TCF12: variants seen among roughly 807,000 people sequenced by gnomAD.
The protein encoded by TCF12 is transcription factor 12, also known as DNA-binding protein HTF4.
A neutral mutation model predicts 86.0 loss-of-function variants in TCF12; 45 were observed. The ratio of observed to expected loss-of-function variants is 0.52; its 90% CI spans 0.41 to 0.67. The LOEUF (loss-of-function observed/expected upper bound fraction) is 0.67. Ranked by LOEUF, TCF12 falls within the 30% of genes least tolerant of loss-of-function variation. The pLI is 0.00. For missense variants in TCF12, 881 were observed against 859.9 expected, an observed-to-expected ratio of 1.02 and a Z score of -0.31; for synonymous variants, 330 against 299.6, an observed-to-expected ratio of 1.10 and a Z score of -1.05.
At chr15:56,953,805 G>T (rs2061382815) in intron 3 of TCF12, among the ~76,000 whole-genome samples, 1 of 147,102 alleles carries the variant, frequency 6.8e-6, no homozygotes. Context: ...TTCTTTTCTT[G>T]ATCACTGTGG....
At chr15:57,132,547 C>T (rs1300811212) in intron 5 of TCF12, among the ~76,000 whole-genome samples, 1 of 152,114 alleles carries the variant, frequency 6.6e-6, no homozygotes, top group African/African-American at 2.4e-5. Flanking sequence ...GATTGATGTT[C>T]CTAATGGAAT....
chr15:57,035,450 A>G (rs546804283), intron 3 of TCF12, among the ~76,000 whole-genome samples: 2 of 152,246 alleles, frequency 1.3e-5, no homozygotes, highest in South Asian at 2.1e-4. Flanking sequence ...ATTTTTTTGT[A>G]GAGACGGGAT....
intron 5 of TCF12, among the ~76,000 whole-genome samples, chr15:57,113,675 A>AT (rs1256676930): frequency 6.6e-6 from 1 of 151,880 alleles, no homozygotes; most frequent in East Asian, 1.9e-4. Flanking sequence ...TCAGTCGCTT[A>AT]ACACCTGTAA....
At chr15:57,056,640 G>A (rs1223032353) in intron 3 of TCF12, among the ~76,000 whole-genome samples, 3 of 151,786 alleles carry the variant, frequency 2.0e-5, no homozygotes, top group Non-Finnish European at 2.9e-5. Flanking sequence ...TAATTTTTTT[G>A]TAGACATAGA....
chr15:56,929,219 C>A (rs1214837659), intron 3 of TCF12, among the ~76,000 whole-genome samples: 1 of 152,100 alleles, frequency 6.6e-6, no homozygotes, highest in Non-Finnish European at 1.5e-5. Context: ...TAATGAGAAG[C>A]CCAACTCTAG....
intron 8 of TCF12, among the ~76,000 whole-genome samples, chr15:57,226,272 T>C (rs1439176749): frequency 3.3e-5 from 5 of 151,654 alleles, no homozygotes; most frequent in African/African-American, 1.2e-4. Context: ...TATTGTTTAA[T>C]ACTAAATATA....
chr15:56,956,030 A>G (rs1446070414), intron 3 of TCF12, among the ~76,000 whole-genome samples: 5 of 152,006 alleles, frequency 3.3e-5, no homozygotes, highest in Admixed American at 3.3e-4. Flanking sequence ...ACATTGTGTG[A>G]TGTTTATATA....
chr15:57,072,592 A>C (rs2069497809), intron 4 of TCF12: 1 of 1,155,632 alleles, frequency 8.7e-7, no homozygotes, highest in Non-Finnish European at 1.1e-6. Flanking sequence ...AGGAGTTCAA[A>C]TACAGTAATT....
intron 3 of TCF12, among the ~76,000 whole-genome samples, chr15:56,990,959 TA>T (rs2063428319): frequency 6.6e-6 from 1 of 151,994 alleles, no homozygotes. Context: ...TGCACTTGGC[TA>T]ATCCTTAAAT....
At chr15:57,148,098 G>A (rs911698013) in intron 5 of TCF12, among the ~76,000 whole-genome samples, 14 of 151,832 alleles carry the variant, frequency 9.2e-5, no homozygotes, top group Admixed American at 9.2e-4. Context: ...TGCCCAGGCT[G>A]GTGTCAAACT....
intron 13 of TCF12, 132 bp downstream of exon 13, chr15:57,243,682 AAG>A: frequency 2.9e-6 from 2 of 696,630 alleles, no homozygotes; most frequent in South Asian, 2.1e-5. Context: ...AAAGTGTGTA[AAG>A]AGAGCCTTCC....
intron 3 of TCF12, among the ~76,000 whole-genome samples, chr15:57,060,991 A>G (rs2141691531): frequency 6.6e-6 from 1 of 152,350 alleles, no homozygotes; most frequent in East Asian, 1.9e-4. Flanking sequence ...TATGTTAACA[A>G]TAAAACTACA....
intron 3 of TCF12, among the ~76,000 whole-genome samples, chr15:56,980,602 T>G (rs781739101): frequency 4.6e-5 from 7 of 152,238 alleles, no homozygotes; most frequent in Non-Finnish European, 1.0e-4. Context: ...ACTTTGCTCA[T>G]GCTGCGCCTG....
chr15:56,918,571 C>T (rs2059604204), upstream of TCF12: 2 of 269,830 alleles, frequency 7.4e-6, no homozygotes, highest in Non-Finnish European at 1.5e-5. Flanking sequence ...GGCCCCACTT[C>T]CTAGGCGGCG....
At chr15:57,162,986 CA>C (rs1239590626) in intron 5 of TCF12, among the ~76,000 whole-genome samples, 1 of 151,968 alleles carries the variant, frequency 6.6e-6, no homozygotes, top group Admixed American at 6.6e-5. Context: ...CCAGCCTGGC[CA>C]ACATAGTGAA....
At chr15:57,264,864 G>A (rs1312372214) in intron 18 of TCF12, among the ~76,000 whole-genome samples, 1 of 152,048 alleles carries the variant, frequency 6.6e-6, no homozygotes, top group Non-Finnish European at 1.5e-5. Context: ...AGAGTAGCTG[G>A]GACTACAGGT....
At position 57,066,302 on chromosome 15, in the gene TCF12, A is replaced by G. The variant is rs2068869319; in HGVS notation, c.222+2479A>G. On this transcript the variant is annotated intron_variant, in intron 4 of 20. Coordinates refer to ENST00000333725, the MANE Select transcript of TCF12 (RefSeq NM_207037.2). Reference sequence around the variant, plus strand: ...CTCAACTAAAGTACTTCATTCTCCTATTTTAGTATATTGAATTTCTTAAAT... The same window carrying G: ...CTCAACTAAAGTACTTCATTCTCCTGTTTTAGTATATTGAATTTCTTAAAT... Among the ~76,000 whole-genome samples, 3 of 152,096 alleles carry G rather than the reference A, an allele frequency of 2.0e-5. No individual in the cohort carries two copies. The South Asian group carries it at 6.2e-4, about 31-fold the overall frequency.
At chr15:57,196,739 T>C (rs1048846735) in intron 7 of TCF12, among the ~76,000 whole-genome samples, 18 of 152,206 alleles carry the variant, frequency 1.2e-4, no homozygotes, top group African/African-American at 3.4e-4. Flanking sequence ...GAAAGAAATA[T>C]ACTTTCTCTG....
Position 56,919,911 on chromosome 15 carries a change from A to G in TCF12, c.-3A>G, listed in dbSNP as rs371164605. ...CCCTAGGACCTGCTAGAAGTGGCCG[A>G]AGATGAATCCCCAGCAACAACGCAT... is the stretch of plus-strand genomic sequence containing the variant. On this transcript the variant is annotated 5_prime_UTR_variant, in exon 2 of 21. Transcript: ENST00000333725. The G allele has an allele frequency of 4.3e-5, 69 of 1,613,890 alleles. No individual in the cohort carries two copies. Among genetic ancestry groups the G allele is most frequent in the Non-Finnish European group, 5.7e-5 (67 of 1,179,960 alleles).
Sources: allele counts gnomAD v4.1 joint callset (sites outside exome capture counted in the v4.1 genomes callset), GRCh38; gene constraint gnomAD v4.1.1; transcripts MANE v1.5; gene names NCBI Gene and HGNC (gene_info 2026-07-23, HGNC 2026-07-21).